Variants in TRIP12 observed in about 807,000 individuals in gnomAD.
TRIP12 encodes E3 ubiquitin-protein ligase TRIP12.
TRIP12 carries 25 observed loss-of-function variants against 244.2 expected under a neutral mutation model. That is an observed-to-expected ratio of 0.10 (90% confidence interval 0.07 to 0.14). The LOEUF (loss-of-function observed/expected upper bound fraction) is 0.14, where lower values mean the gene tolerates loss of function less well. Ranked by LOEUF, TRIP12 falls within the 10% of genes least tolerant of loss-of-function variation. The probability of loss-of-function intolerance (pLI) is 1.00; values close to 1 mark genes in which losing one functional copy is unlikely to be tolerated. For missense variants in TRIP12, 1,677 were observed against 2,486.4 expected, an observed-to-expected ratio of 0.67 and a Z score of 6.92; for synonymous variants, 905 against 873.1, an observed-to-expected ratio of 1.04 and a Z score of -0.64.
chr2:229,767,888 A>C, intron 41 of TRIP12, 138 bp from the exon 42 acceptor site: 1 of 825,562 alleles, frequency 1.2e-6, no homozygotes, highest in Non-Finnish European at 1.8e-6. Flanking sequence ...TTCAATATAC[A>C]TTAAGTGCAA....
In TRIP12 at chr2:229,767,108, T is replaced by C. The variant is rs1225262639; in HGVS notation, c.*446A>G. On this transcript the variant is annotated 3_prime_UTR_variant, in exon 42 of 42. Coordinates refer to ENST00000675903, the MANE Select transcript of TRIP12 (RefSeq NM_001348323.3). ...ATAGAGCTAGTCTACTAAACTATAT[T>C]TGTCAAATACATGTGAGCTTAAATT... 1 of 154,276 alleles carries C rather than the reference T, an allele frequency of 6.5e-6. No individual in the cohort carries two copies. The highest frequency in any genetic ancestry group is 1.4e-5 in the Non-Finnish European group (1 of 69,316). The allele number at this position is 154,276 out of a possible 1,614,324, so 9.6% of individuals were successfully genotyped here.
intron 9 of TRIP12, 46 bp downstream of exon 9, chr2:229,818,318 T>G (rs752356652): frequency 6.3e-7 from 1 of 1,595,658 alleles, no homozygotes; most frequent in South Asian, 1.1e-5. Context: ...TCGGCAGATT[T>G]CAGAGGACAA....
At chr2:229,785,263 A>G (rs188171908) in intron 34 of TRIP12, among the ~76,000 whole-genome samples, 3 of 152,342 alleles carry the variant, frequency 2.0e-5, no homozygotes, top group East Asian at 3.9e-4. Flanking sequence ...AAACACATCA[A>G]TGTTTATCAA....
At chr2:229,892,736 C>T (rs886815612) in intron 1 of TRIP12, among the ~76,000 whole-genome samples, 2 of 151,960 alleles carry the variant, frequency 1.3e-5, no homozygotes, top group African/African-American at 2.4e-5. Flanking sequence ...CATGGTAGTG[C>T]GCATCTCTAG....
At chr2:229,839,556 A>G (rs519214) in intron 5 of TRIP12, among the ~76,000 whole-genome samples, 124,129 of 151,908 alleles carry the variant, frequency 0.82, 51,107 homozygotes, top group East Asian at 0.91. Flanking sequence ...GCGGGCGCCT[A>G]TAGTCCCAGC....
chr2:229,898,247 T>A (rs2069464363), intron 1 of TRIP12, among the ~76,000 whole-genome samples: 1 of 152,246 alleles, frequency 6.6e-6, no homozygotes, highest in South Asian at 2.1e-4. Context: ...TTGAATATTT[T>A]TTAAGTCCCA....
chr2:229,847,404 C>A (rs115391067), intron 4 of TRIP12, among the ~76,000 whole-genome samples: 3 of 152,118 alleles, frequency 2.0e-5, no homozygotes, highest in Non-Finnish European at 2.9e-5. Context: ...TTTGCATATG[C>A]CTAGCGAAGT....
intron 37 of TRIP12, among the ~76,000 whole-genome samples, 174 bp downstream of exon 37, chr2:229,777,141 T>C (rs2036524933): frequency 6.6e-6 from 1 of 152,246 alleles, no homozygotes; most frequent in South Asian, 2.1e-4. Flanking sequence ...GCTGTGAGTA[T>C]AGGTCATGTG....
chr2:229,875,544 G>C (rs1560044291), intron 2 of TRIP12, among the ~76,000 whole-genome samples: 2 of 152,260 alleles, frequency 1.3e-5, no homozygotes, highest in East Asian at 1.9e-4. Context: ...TAATGAAAAG[G>C]TACACTGACT....
At chr2:229,864,047 A>AGAGAGAGAGAGGGTGTGT in intron 2 of TRIP12, among the ~76,000 whole-genome samples, 1 of 79,292 alleles carries the variant, frequency 1.3e-5, no homozygotes, top group Non-Finnish European at 2.5e-5. Context: ...AGAGAGAGAG[A>AGAGAGAGAGAGGGTGTGT]GTGTGTGTGT....
At chr2:229,823,061 G>A (rs1041887422) in intron 8 of TRIP12, among the ~76,000 whole-genome samples, 1 of 152,176 alleles carries the variant, frequency 6.6e-6, no homozygotes, top group Non-Finnish European at 1.5e-5. Context: ...AACAGAGCCA[G>A]AGAGACATGC....
intron 1 of TRIP12, among the ~76,000 whole-genome samples, chr2:229,917,441 T>C (rs2075695894): frequency 9.1e-6 from 1 of 110,112 alleles, no homozygotes; most frequent in Non-Finnish European, 1.8e-5. Context: ...TAAGATTATA[T>C]ACAACAATCT....
upstream of TRIP12, chr2:229,922,483 G>A: frequency 6.2e-7 from 1 of 1,612,516 alleles, no homozygotes; most frequent in Non-Finnish European, 8.5e-7. Flanking sequence ...CCCCTTCCTG[G>A]TTGTCTTAGC....
At chr2:229,803,430 C>G in intron 20 of TRIP12, 141 bp downstream of exon 20, 1 of 560,302 alleles carries the variant, frequency 1.8e-6, no homozygotes, top group Non-Finnish European at 3.0e-6. Flanking sequence ...ACACATTCTA[C>G]GTACACAGAG....
At position 229,803,981 on chromosome 2, in the gene TRIP12, C is replaced by G. The variant is rs768990773; in HGVS notation, c.2879+18G>C. The G allele has an allele frequency of 6.3e-7, 1 of 1,581,778 alleles. No individual in the cohort carries two copies. Among genetic ancestry groups the G allele is most frequent in the East Asian group, 2.2e-5 (1 of 44,634 alleles). ...GATTTGTATTTGTAAAATGTTTCTACTATTTTCATTAACACACCTTGAAAC... is the reference window on the plus strand; with the variant it reads ...GATTTGTATTTGTAAAATGTTTCTAGTATTTTCATTAACACACCTTGAAAC... On this transcript the variant is annotated intron_variant, in intron 19 of 41. Coordinates refer to ENST00000675903, the MANE Select transcript of TRIP12 (RefSeq NM_001348323.3).
chr2:229,798,465 A>T (rs1421958627), intron 23 of TRIP12, among the ~76,000 whole-genome samples: 2 of 126,538 alleles, frequency 1.6e-5, no homozygotes, highest in East Asian at 4.1e-4. Flanking sequence ...CCAAGGACTT[A>T]AAAAAAAAAA....
chr2:229,768,228 C>T (rs2032633587), intron 41 of TRIP12, among the ~76,000 whole-genome samples: 2 of 152,218 alleles, frequency 1.3e-5, no homozygotes, highest in African/African-American at 4.8e-5. Context: ...CGCCACTGCA[C>T]TTCAGCCTGG....
At chr2:229,857,234 A>G (rs2059744730) in intron 4 of TRIP12, among the ~76,000 whole-genome samples, 1 of 152,216 alleles carries the variant, frequency 6.6e-6, no homozygotes. Context: ...AGATGCTTAA[A>G]AGCAAGCTTC....
chr2:229,911,971 T>C (rs1577108539), intron 1 of TRIP12, among the ~76,000 whole-genome samples: 2 of 152,246 alleles, frequency 1.3e-5, no homozygotes, highest in East Asian at 3.9e-4. Context: ...AGTTTCCCTA[T>C]ATAAGACTTA....
Sources: gnomAD v4.1 joint callset for allele counts (sites outside exome capture counted in the v4.1 genomes callset) on GRCh38, gnomAD v4.1.1 for gene constraint, MANE v1.5 for transcripts, NCBI Gene and HGNC (gene_info 2026-07-23, HGNC 2026-07-21) for gene names.